C12orf42: variants seen among roughly 807,000 people sequenced by gnomAD.
C12orf42 encodes chromosome 12 open reading frame 42.
Under a neutral mutation model 21.6 loss-of-function variants are expected in C12orf42, and 25 were observed. The observed-to-expected ratio is 1.16, with a 90% CI of 0.84 to 1.62. C12orf42 has a LOEUF of 1.62. Ranked by LOEUF, C12orf42 falls within the 40% of genes most tolerant of loss-of-function variation. The probability of loss-of-function intolerance (pLI) is 0.00; values close to 1 mark genes in which losing one functional copy is unlikely to be tolerated. For synonymous variants in C12orf42, 174 were observed against 175.0 expected (o/e 0.99, Z 0.05); for missense variants, 483 against 459.3 (o/e 1.05, Z -0.47).
At chr12:103,094,010 T>G in the C12orf42 span, among the ~76,000 whole-genome samples, 4 of 152,168 alleles carry the variant, frequency 2.6e-5, no homozygotes, top group Admixed American at 2.0e-4. Context: ...AAGTCCAAAG[T>G]GTATTTGGCT....
rs144647496 is a variant in C12orf42, at chr12:103,285,562, GATAGA to G, written n.338-8357_338-8353del. On this transcript the variant is annotated intron_variant and non_coding_transcript_variant, in intron 4 of 6. Transcript: ENST00000546526. ...GTTTAATGATAAGGAAGAAGCCTTTGATAGAATAATTACAAAAAGGAGAGTTATTT... is the reference window on the plus strand; with the variant it reads ...GTTTAATGATAAGGAAGAAGCCTTTGATAATTACAAAAAGGAGAGTTATTT... Among the ~76,000 whole-genome samples, 1,108 of 152,260 alleles carry G rather than the reference GATAGA, an allele frequency of 7.3e-3. 11 individuals carry two copies. Among genetic ancestry groups the G allele is most frequent in the African/African-American group, 0.026 (1,065 of 41,540 alleles).
chr12:103,525,780 A>G, the C12orf42 span, among the ~76,000 whole-genome samples: 1 of 152,226 alleles, frequency 6.6e-6, no homozygotes, highest in Non-Finnish European at 1.5e-5. Flanking sequence ...CTGTAATCCC[A>G]GCACTTTGAG....
the C12orf42 span, among the ~76,000 whole-genome samples, chr12:103,560,927 G>A: frequency 6.6e-6 from 1 of 152,158 alleles, no homozygotes; most frequent in Non-Finnish European, 1.5e-5. Flanking sequence ...AGGCGTCACT[G>A]GGAGTCATCC....
chr12:103,156,394 G>C, the C12orf42 span, among the ~76,000 whole-genome samples: 1 of 152,110 alleles, frequency 6.6e-6, no homozygotes, highest in East Asian at 1.9e-4. Context: ...AATGGACTTT[G>C]TTCTCAATGT....
chr12:103,396,167 G>A (rs1231874152), intron 3 of C12orf42, among the ~76,000 whole-genome samples: 1 of 151,892 alleles, frequency 6.6e-6, no homozygotes, highest in African/African-American at 2.4e-5. Flanking sequence ...ATTGTAATCA[G>A]GGGAGGGACC....
the C12orf42 span, among the ~76,000 whole-genome samples, chr12:103,052,430 G>A: frequency 2.0e-5 from 3 of 152,044 alleles, no homozygotes; most frequent in African/African-American, 7.2e-5. Flanking sequence ...AACTAGTGAT[G>A]TTTAATAGCT....
At chr12:103,274,644 T>C (rs186689746) in intron 5 of C12orf42, among the ~76,000 whole-genome samples, 11 of 152,320 alleles carry the variant, frequency 7.2e-5, no homozygotes, top group African/African-American at 2.6e-4. Flanking sequence ...TGTCTGTCTG[T>C]GTGTGTCTGT....
intron 4 of C12orf42, among the ~76,000 whole-genome samples, chr12:103,277,830 A>C (rs1404466479): frequency 6.6e-6 from 1 of 152,112 alleles, no homozygotes; most frequent in African/African-American, 2.4e-5. Context: ...TGTGCTAGCC[A>C]GGACGATCTC....
intron 3 of C12orf42, chr12:103,396,439 G>A (rs2047542422): frequency 6.6e-6 from 1 of 152,162 alleles, no homozygotes; most frequent in African/African-American, 2.4e-5. Flanking sequence ...GTCTCAGGTA[G>A]TATCTTTATA....
chr12:103,331,577 G>A (rs969106983), intron 4 of C12orf42, among the ~76,000 whole-genome samples: 2 of 152,208 alleles, frequency 1.3e-5, no homozygotes, highest in Non-Finnish European at 2.9e-5. Flanking sequence ...GGCAAGTCCA[G>A]GGAGCTGAAG....
At chr12:103,442,253 T>C (rs760190982) in intron 2 of C12orf42, among the ~76,000 whole-genome samples, 3 of 152,232 alleles carry the variant, frequency 2.0e-5, no homozygotes, top group Non-Finnish European at 2.9e-5. Flanking sequence ...CCATAACTAA[T>C]GTTCATGCAT....
chr12:103,426,474 C>A (rs1364995967), intron 2 of C12orf42, among the ~76,000 whole-genome samples: 1 of 152,104 alleles, frequency 6.6e-6, no homozygotes, highest in Non-Finnish European at 1.5e-5. Context: ...AAAGACCAAA[C>A]CTACGTTTGA....
At chr12:103,430,036 C>T (rs542547483) in intron 2 of C12orf42, among the ~76,000 whole-genome samples, 1 of 152,256 alleles carries the variant, frequency 6.6e-6, no homozygotes, top group African/African-American at 2.4e-5. Context: ...ATAACTTAGG[C>T]AATACCATTC....
chr12:103,120,892 C>T, the C12orf42 span, among the ~76,000 whole-genome samples: 52 of 151,862 alleles, frequency 3.4e-4, no homozygotes, highest in African/African-American at 1.2e-3. Flanking sequence ...CACAGATTGA[C>T]AGAGATAAGG....
chr12:103,071,493 G>T, the C12orf42 span, among the ~76,000 whole-genome samples: 1 of 152,118 alleles, frequency 6.6e-6, no homozygotes, highest in African/African-American at 2.4e-5. Context: ...TGATTCGGCT[G>T]TGTTCCCATC....
At chr12:103,158,049 A>T in the C12orf42 span, among the ~76,000 whole-genome samples, 1 of 152,242 alleles carries the variant, frequency 6.6e-6, no homozygotes, top group Non-Finnish European at 1.5e-5. Context: ...GAGGATATTA[A>T]GAAACAATAA....
At chr12:103,166,244 G>T in the C12orf42 span, among the ~76,000 whole-genome samples, 23 of 152,176 alleles carry the variant, frequency 1.5e-4, no homozygotes, top group Non-Finnish European at 2.8e-4. Flanking sequence ...ATACAGTGAA[G>T]AAAATAGGAT....
chr12:103,542,321 T>A, the C12orf42 span, among the ~76,000 whole-genome samples: 1,329 of 152,340 alleles, frequency 8.7e-3, 6 homozygotes, highest in Non-Finnish European at 0.015. Context: ...AGCTGAAGAA[T>A]TCTTGGAAAT....
At chr12:103,414,560 G>T (rs111439398) in intron 2 of C12orf42, among the ~76,000 whole-genome samples, 1 of 151,972 alleles carries the variant, frequency 6.6e-6, no homozygotes, top group Non-Finnish European at 1.5e-5. Flanking sequence ...TGTTGCATCC[G>T]ATGTTTTTAA....
Sources: gnomAD v4.1 joint callset for allele counts (sites outside exome capture counted in the v4.1 genomes callset) on GRCh38, gnomAD v4.1.1 for gene constraint, MANE v1.5 for transcripts, NCBI Gene and HGNC (gene_info 2026-07-23, HGNC 2026-07-21) for gene names.